The following ALK variants were observed in gnomAD, a reference collection of about 807,000 sequenced individuals.
ALK encodes ALK tyrosine kinase receptor.
In ALK, 74 loss-of-function variants were observed where a neutral mutation model predicts 163.1. That is an observed-to-expected ratio of 0.45 (90% CI 0.38 to 0.55). ALK has a LOEUF of 0.55. Ranked by LOEUF, ALK falls within the 20% of genes least tolerant of loss-of-function variation. The pLI, the probability that ALK is intolerant of heterozygous loss-of-function variation, is 0.00. For missense variants in ALK, 2,063 were observed against 2,105.3 expected (o/e 0.98, Z 0.39); for synonymous variants, 960 against 843.2 (o/e 1.14, Z -2.40).
chr2:29,877,944 C>A lies in ALK; in HGVS notation c.667+42049G>T, dbSNP rs542775638. On this transcript the variant is annotated intron_variant, in intron 1 of 28. Transcript: ENST00000389048. ...TAGGATTCTGGCTTCCTTCCCAGAC[C>A]CAGAAGAGAGACATGACTACCAGAT... is the stretch of plus-strand genomic sequence containing the variant. 1.8e-4 allele frequency among the ~76,000 whole-genome samples: 27 copies of A among 152,256 alleles called. No homozygotes were observed. In the East Asian group the frequency reaches 5.2e-3, roughly 29 times the overall value.
At chr2:29,525,272 T>G (rs1461271088) in intron 4 of ALK, among the ~76,000 whole-genome samples, 1 of 152,222 alleles carries the variant, frequency 6.6e-6, no homozygotes, top group Non-Finnish European at 1.5e-5. Context: ...CTCTCCACCT[T>G]AAACACAAGT....
At chr2:29,782,687 A>G (rs1054064197) in intron 1 of ALK, among the ~76,000 whole-genome samples, 5 of 152,182 alleles carry the variant, frequency 3.3e-5, no homozygotes, top group African/African-American at 1.2e-4. Context: ...CCCATCAGCC[A>G]TCAAGCAGTA....
At chr2:29,787,295 G>C (rs963879227) in intron 1 of ALK, among the ~76,000 whole-genome samples, 2 of 152,202 alleles carry the variant, frequency 1.3e-5, no homozygotes, top group Non-Finnish European at 2.9e-5. Flanking sequence ...CCGAGACACA[G>C]TGCTGGGTGC....
At position 29,583,047 on chromosome 2, in the gene ALK, T is replaced by TTTTTG. The variant is rs1199229357; in HGVS notation, c.953-50932_953-50931insCAAAA. 4.7e-5 allele frequency among the ~76,000 whole-genome samples: 7 copies of TTTTTG among 149,982 alleles called. No individual in the cohort carries two copies. In the East Asian group the frequency reaches 1.4e-3, roughly 30 times the overall value. On this transcript the variant is annotated intron_variant, in intron 3 of 28. Transcript: ENST00000389048. Reference sequence around the variant, plus strand: ...CTGGCTAACTTTTGTTTTTTGTTTTTTTGTTTTTTTTAGTAAAGATGGGAT... The same window carrying TTTTTG: ...CTGGCTAACTTTTGTTTTTTGTTTTTTTTTGTTGTTTTTTTTAGTAAAGATGGGAT...
intron 8 of ALK, among the ~76,000 whole-genome samples, chr2:29,305,591 T>G (rs1666488288): frequency 6.6e-6 from 1 of 152,170 alleles, no homozygotes; most frequent in African/African-American, 2.4e-5. Context: ...TGATATCATT[T>G]TATGTAAATA....
At chr2:29,491,808 G>T (rs1671910082) in intron 4 of ALK, among the ~76,000 whole-genome samples, 1 of 152,168 alleles carries the variant, frequency 6.6e-6, no homozygotes, top group Non-Finnish European at 1.5e-5. Flanking sequence ...GAGAACCCAG[G>T]CTCGGAGAGA....
intron 1 of ALK, among the ~76,000 whole-genome samples, chr2:29,733,816 C>T (rs960788069): frequency 1.3e-5 from 2 of 151,994 alleles, no homozygotes; most frequent in Admixed American, 6.6e-5. Context: ...CACGGGGATC[C>T]GGCAGGTTTT....
At chr2:29,412,977 G>A (rs1409666446) in intron 4 of ALK, among the ~76,000 whole-genome samples, 1 of 152,158 alleles carries the variant, frequency 6.6e-6, no homozygotes, top group Non-Finnish European at 1.5e-5. Flanking sequence ...CTTTGTTCTT[G>A]TTCTTCAAGA....
chr2:29,349,173 C>T lies in ALK; in HGVS notation c.1283-20692G>A, dbSNP rs149358086. ...GGGGTTGCAGGGTCGCCCTCTCCAT[C>T]GGCTCAGGGAAGACAGTAGAGTCTG... On this transcript the variant is annotated intron_variant, in intron 5 of 28. Coordinates refer to ENST00000389048, the MANE Select transcript of ALK (RefSeq NM_004304.5). Among the ~76,000 whole-genome samples, 734 of 152,290 alleles carry T rather than the reference C, an allele frequency of 4.8e-3. 1 individual carries two copies. Among genetic ancestry groups the T allele is most frequent in the Non-Finnish European group, 7.8e-3 (530 of 68,026 alleles).
intron 1 of ALK, among the ~76,000 whole-genome samples, chr2:29,837,646 A>G (rs1325988390): frequency 6.6e-6 from 1 of 152,228 alleles, no homozygotes; most frequent in Admixed American, 6.5e-5. Flanking sequence ...AGACTACTTT[A>G]GATCATCTCT....
At position 29,396,907 on chromosome 2, in the gene ALK, C is replaced by T. The variant is rs561527214; in HGVS notation, c.1155-13048G>A. 1.1e-4 allele frequency among the ~76,000 whole-genome samples: 12 copies of T among 108,160 alleles called. No homozygotes were observed. The Admixed American group carries it at 1.7e-3, about 16-fold the overall frequency. 71.0% of individuals were successfully genotyped at this position (108,160 alleles called of 152,430 possible). A position where few individuals can be genotyped will look rare whatever the true frequency, so the allele number is the denominator to read the frequency against. On this transcript the variant is annotated intron_variant, in intron 4 of 28. Transcript: ENST00000389048. ...GATCAAGGCTCATCTTGGTGTTTTT[C>T]AGGAATACACCTCCCAGGTTGGACC...
At chr2:29,614,154 C>G (rs572481023) in intron 3 of ALK, among the ~76,000 whole-genome samples, 1 of 152,126 alleles carries the variant, frequency 6.6e-6, no homozygotes, top group Admixed American at 6.5e-5. Context: ...CTGCTTCTCT[C>G]GGGTCCTCGG....
intron 5 of ALK, among the ~76,000 whole-genome samples, chr2:29,358,045 T>C (rs908626475): frequency 1.3e-5 from 2 of 152,208 alleles, no homozygotes; most frequent in African/African-American, 4.8e-5. Flanking sequence ...GACCAAGTTT[T>C]CACAGATGGT....
chr2:29,437,290 C>T (rs1289166849), intron 4 of ALK, among the ~76,000 whole-genome samples: 4 of 152,026 alleles, frequency 2.6e-5, no homozygotes, highest in Non-Finnish European at 5.9e-5. Context: ...CACGTGGGCC[C>T]ATGTTTCTCC....
At chr2:29,539,404 A>T in intron 3 of ALK, among the ~76,000 whole-genome samples, 1 of 152,140 alleles carries the variant, frequency 6.6e-6, no homozygotes, top group East Asian at 1.9e-4. Flanking sequence ...TTATTATGTT[A>T]AATTGTCGTG....
At chr2:29,686,055 G>C (rs996455405) in intron 3 of ALK, among the ~76,000 whole-genome samples, 5 of 152,164 alleles carry the variant, frequency 3.3e-5, no homozygotes, top group African/African-American at 7.2e-5. Context: ...GGTCAACCCA[G>C]ATCATCCAAG....
chr2:29,314,513 G>A (rs1666776129), intron 8 of ALK, among the ~76,000 whole-genome samples: 2 of 152,118 alleles, frequency 1.3e-5, no homozygotes, highest in Non-Finnish European at 2.9e-5. Flanking sequence ...GTGTACATAT[G>A]TATGTGTGAG....
chr2:29,531,957 G>C lies in ALK; in HGVS notation c.1112C>G (p.Ala371Gly), dbSNP rs1673130758. Reference protein sequence around the residue: ...YIAQLLPHNEAAREILLMPTP... With the variant: ...YIAQLLPHNEGAREILLMPTP... ...GGGCATCAGGAGGATCTCTCTTGCAGCCTCGTTGTGGGGCAGCAGCTGGGC... is the reference window on the plus strand; with the variant it reads ...GGGCATCAGGAGGATCTCTCTTGCACCCTCGTTGTGGGGCAGCAGCTGGGC... Residue 371 changes from alanine to glycine, a missense_variant, in exon 4 of 29, where the codon GCT becomes GGT. This residue lies in a region of ALK where 987 missense variants were observed against 939.5 expected (regional missense o/e 1.05). Coordinates refer to ENST00000389048, the MANE Select transcript of ALK (RefSeq NM_004304.5). 4.3e-6 allele frequency: 7 copies of C among 1,614,186 alleles called. No homozygotes were observed. Among genetic ancestry groups the C allele is most frequent in the Non-Finnish European group, 5.9e-6 (7 of 1,180,014 alleles).
chr2:29,792,699 A>C (rs138247088), intron 1 of ALK, among the ~76,000 whole-genome samples: 2 of 152,356 alleles, frequency 1.3e-5, no homozygotes, highest in Non-Finnish European at 2.9e-5. Context: ...CAAGTATTGC[A>C]ATAAAGCAAG....
Sources: allele counts gnomAD v4.1 joint callset (sites outside exome capture counted in the v4.1 genomes callset), GRCh38; gene constraint gnomAD v4.1.1; regional missense constraint gnomAD v4.1.1; transcripts MANE v1.5; gene names NCBI Gene and HGNC (gene_info 2026-07-23, HGNC 2026-07-21).